Variants in ATP6V0A4 observed in about 807,000 individuals in gnomAD.
ATP6V0A4 encodes V-type proton ATPase 116 kDa subunit a 4.
A neutral mutation model predicts 107.3 loss-of-function variants in ATP6V0A4; 86 were observed. That is an observed-to-expected ratio of 0.80 (90% CI 0.67 to 0.96). The LOEUF (loss-of-function observed/expected upper bound fraction) is 0.96. Ranked by LOEUF, ATP6V0A4 falls within the 40% of genes least tolerant of loss-of-function variation. ATP6V0A4 has a pLI of 0.00. For missense variants in ATP6V0A4, 908 were observed against 1,045.6 expected (o/e 0.87, Z 1.81); for synonymous variants, 353 against 381.4 (o/e 0.93, Z 0.87).
Position 138,715,879 on chromosome 7 carries a change from G to A in ATP6V0A4, c.2142C>T (p.Phe714=). The stretch of plus-strand genomic sequence containing the variant: ...GGTGGACAAAGACGTCTCCAAAGTT[G>A]AACTGAAAGACGGAATTGTTTATTT... The part of the protein sequence containing the change: ...HGALDDHGEE[F]NFGDVFVHQA... Residue 714 remains phenylalanine (F), a splice_region_variant and synonymous_variant, in exon 20 of 22, where the codon TTC becomes TTT. Coordinates refer to ENST00000310018, the MANE Select transcript of ATP6V0A4 (RefSeq NM_020632.3). 1 of 1,612,908 alleles carries A rather than the reference G, an allele frequency of 6.2e-7. No individual in the cohort carries two copies. Among genetic ancestry groups the A allele is most frequent in the South Asian group, 1.1e-5 (1 of 91,060 alleles).
intron 7 of ATP6V0A4, among the ~76,000 whole-genome samples, chr7:138,760,322 A>C (rs922619868): frequency 6.6e-6 from 1 of 151,848 alleles, no homozygotes; most frequent in African/African-American, 2.4e-5. Context: ...GTGCACCTAT[A>C]GTCCCAGCTA....
Position 138,756,476 on chromosome 7 carries a change from A to C in ATP6V0A4, c.704T>G (p.Ile235Ser). ...CTCTTACCCATCACAGATCTTCTTG[A>C]TTTTCTGCCTGAGCTGCTCTCCTTG... ...FYQGEQLRQK[I>S]KKICDGFRAT... is the part of the protein sequence containing the mutation. Residue 235 changes from isoleucine to serine, a missense_variant, in exon 9 of 22, where the codon ATC (isoleucine) becomes AGC (serine). By Grantham distance (142) the Ile-to-Ser change is moderately radical. Coordinates refer to ENST00000310018, the MANE Select transcript of ATP6V0A4 (RefSeq NM_020632.3). 6.2e-7 allele frequency: 1 copy of C among 1,603,340 alleles called. No homozygotes were observed. Among genetic ancestry groups the C allele is most frequent in the Non-Finnish European group, 8.5e-7 (1 of 1,174,660 alleles).
At chr7:138,710,341 G>C (rs1179770559) in intron 20 of ATP6V0A4, among the ~76,000 whole-genome samples, 1 of 151,986 alleles carries the variant, frequency 6.6e-6, no homozygotes, top group Non-Finnish European at 1.5e-5. Context: ...ACAGGTGTAT[G>C]CAACTACACC....
At position 138,715,745 on chromosome 7, in the gene ATP6V0A4, C is replaced by T. The variant is rs1040220253; in HGVS notation, c.2257+19G>A. On this transcript the variant is annotated intron_variant, in intron 20 of 21. Transcript: ENST00000310018. ...TGTTGGGGAGAGCTGACTGTCCCCC[C>T]GATGGGCTGCTCACTCACGTGCATG... 6.2e-6 allele frequency: 10 copies of T among 1,609,072 alleles called. No individual in the cohort carries two copies. Among genetic ancestry groups the T allele is most frequent in the Admixed American group, 1.7e-5 (1 of 59,932 alleles).
intron 18 of ATP6V0A4, among the ~76,000 whole-genome samples, chr7:138,723,570 G>A (rs997936367): frequency 2.9e-5 from 4 of 138,102 alleles, no homozygotes; most frequent in African/African-American, 1.1e-4. Context: ...CCTTCGCCCA[G>A]GCTGGAGTGA....
intron 3 of ATP6V0A4, 61 bp from the exon 4 acceptor site, chr7:138,769,312 CTTTTTTTTTTT>C: frequency 4.5e-6 from 6 of 1,325,908 alleles, no homozygotes; most frequent in Non-Finnish European, 5.9e-6. Flanking sequence ...AGATTTCTTT[CTTTTTTTTTTT>C]TTTTTTTTGA....
intron 15 of ATP6V0A4, among the ~76,000 whole-genome samples, chr7:138,737,123 T>TATATATATATATATATATATATATATAC: frequency 7.2e-6 from 1 of 139,158 alleles, no homozygotes; most frequent in Non-Finnish European, 1.5e-5. Flanking sequence ...TTAATATATA[T>TATATATATATATATATATATATATATAC]ATATGATACA....
chr7:138,756,031 T>G, intron 9 of ATP6V0A4: 1 of 641,088 alleles, frequency 1.6e-6, no homozygotes, highest in Non-Finnish European at 2.6e-6. Context: ...ACCTGTGAGT[T>G]GCTGGGTAAA....
In ATP6V0A4 at chr7:138,769,262, G is replaced by A. The variant is rs182541544; in HGVS notation, c.118-11C>T. 67 of 1,608,766 alleles carry A rather than the reference G, an allele frequency of 4.2e-5. 1 individual carries two copies. In the East Asian group the frequency reaches 6.5e-4, roughly 16 times the overall value. On this transcript the variant is annotated splice_polypyrimidine_tract_variant and intron_variant, in intron 3 of 21. Coordinates refer to ENST00000310018, the MANE Select transcript of ATP6V0A4 (RefSeq NM_020632.3). ...CACATTCATATTTAACTATGGGGGC[G>A]AAAATCACAAGATACATGTTAGTAG...
intron 15 of ATP6V0A4, among the ~76,000 whole-genome samples, chr7:138,736,890 G>A (rs541862252): frequency 8.6e-5 from 13 of 151,580 alleles, no homozygotes; most frequent in South Asian, 2.1e-4. Flanking sequence ...TATTATATGC[G>A]TTTTATAGGT....
chr7:138,776,706 T>A (rs1412191313), intron 2 of ATP6V0A4, among the ~76,000 whole-genome samples: 2 of 152,202 alleles, frequency 1.3e-5, no homozygotes, highest in Admixed American at 6.5e-5. Context: ...AGAGTACACG[T>A]ACCTAATGGT....
intron 18 of ATP6V0A4, among the ~76,000 whole-genome samples, chr7:138,727,919 G>A (rs1458890362): frequency 6.6e-6 from 1 of 152,128 alleles, no homozygotes; most frequent in African/African-American, 2.4e-5. Flanking sequence ...TAGACAAAAA[G>A]AGAAAGTGGG....
At chr7:138,782,172 A>G (rs912648205) in intron 2 of ATP6V0A4, among the ~76,000 whole-genome samples, 16 of 152,214 alleles carry the variant, frequency 1.1e-4, no homozygotes, top group African/African-American at 3.9e-4. Context: ...GATGCCACGC[A>G]AGGCTGGTTC....
chr7:138,760,755 C>T (rs1042540799), intron 7 of ATP6V0A4, among the ~76,000 whole-genome samples: 2 of 152,052 alleles, frequency 1.3e-5, no homozygotes, highest in Non-Finnish European at 2.9e-5. Context: ...AATTCAATGC[C>T]TAGTGCCTCA....
At chr7:138,745,063 A>C in intron 14 of ATP6V0A4, 60 bp downstream of exon 14, 21 of 1,488,488 alleles carry the variant, frequency 1.4e-5, no homozygotes, top group Non-Finnish European at 1.9e-5. Flanking sequence ...CAACCATGAA[A>C]ACAGTCACTG....
intron 20 of ATP6V0A4, among the ~76,000 whole-genome samples, chr7:138,714,719 T>C (rs1010955715): frequency 2.0e-5 from 3 of 152,198 alleles, no homozygotes; most frequent in Non-Finnish European, 2.9e-5. Flanking sequence ...CTCCCCGCAA[T>C]GCTCATAACC....
chr7:138,718,187 TCCAGGAAGGAATGG>T (rs1804182618), intron 19 of ATP6V0A4, among the ~76,000 whole-genome samples: 1 of 41,648 alleles, frequency 2.4e-5, no homozygotes, highest in African/African-American at 9.9e-5. Context: ...GAGGGAGACG[TCCAGGAAGGAATGG>T]GTGTGTGTGT....
At chr7:138,746,409 A>G (rs1412314649) in intron 13 of ATP6V0A4, among the ~76,000 whole-genome samples, 1 of 152,128 alleles carries the variant, frequency 6.6e-6, no homozygotes, top group Non-Finnish European at 1.5e-5. Context: ...TAAGCTTGGC[A>G]TGGAAAACTA....
chr7:138,754,796 G>A (rs911175595), intron 10 of ATP6V0A4, among the ~76,000 whole-genome samples: 4 of 151,942 alleles, frequency 2.6e-5, no homozygotes, highest in African/African-American at 9.7e-5. Context: ...CCTGACTAGT[G>A]TTTGTATTTT....
Sources: gnomAD v4.1 joint callset for allele counts (sites outside exome capture counted in the v4.1 genomes callset) on GRCh38, gnomAD v4.1.1 for gene constraint, MANE v1.5 for transcripts, NCBI Gene and HGNC (gene_info 2026-07-23, HGNC 2026-07-21) for gene names.